Variants in KIF2A observed in about 807,000 individuals in gnomAD.
KIF2A encodes kinesin family member 2A.
A neutral mutation model predicts 100.2 loss-of-function variants in KIF2A; 22 were observed. The observed-to-expected ratio is 0.22, with a 90% CI of 0.16 to 0.31. The LOEUF (loss-of-function observed/expected upper bound fraction) is 0.31. Among genes scored for constraint, KIF2A ranks in the 10% least tolerant of loss-of-function variants. KIF2A has a pLI of 1.00. For synonymous variants in KIF2A, 268 were observed against 285.9 expected, an observed-to-expected ratio of 0.94 and a Z score of 0.63; for missense variants, 495 against 898.7, an observed-to-expected ratio of 0.55 and a Z score of 5.74.
Position 62,361,302 on chromosome 5 carries a change from T to C in KIF2A, c.933T>C (p.Ala311=). Residue 311 remains alanine, a synonymous_variant, in exon 10 of 21, where the codon GCT becomes GCC. Coordinates refer to ENST00000407818, the MANE Select transcript of KIF2A (RefSeq NM_001098511.3). ...IFERGMATCF[A]YGQTGSGKTH... ...AAAGGGGAATGGCTACATGCTTTGCTTATGGGCAGACTGGAAGTGGAAAAA... is the reference window on the plus strand; with the variant it reads ...AAAGGGGAATGGCTACATGCTTTGCCTATGGGCAGACTGGAAGTGGAAAAA... 6.2e-7 allele frequency: 1 copy of C among 1,608,854 alleles called. No individual in the cohort carries two copies.
intron 1 of KIF2A, among the ~76,000 whole-genome samples, chr5:62,339,333 G>T (rs2111878029): frequency 6.6e-6 from 1 of 151,622 alleles, no homozygotes; most frequent in African/African-American, 2.4e-5. Context: ...CCATTCATGA[G>T]AAATCCACCC....
At chr5:62,322,369 T>A (rs1746143042) in intron 1 of KIF2A, among the ~76,000 whole-genome samples, 2 of 152,222 alleles carry the variant, frequency 1.3e-5, no homozygotes, top group Admixed American at 1.3e-4. Flanking sequence ...GCACAAAAAT[T>A]TTTAATTTTG....
intron 1 of KIF2A, among the ~76,000 whole-genome samples, chr5:62,324,266 G>C (rs1218236812): frequency 1.3e-5 from 2 of 152,114 alleles, no homozygotes; most frequent in East Asian, 3.8e-4. Context: ...AATCAGTGTT[G>C]TTAAAATGGC....
chr5:62,365,575 A>ATTTTCT (rs554808566), intron 15 of KIF2A, among the ~76,000 whole-genome samples: 4 of 150,822 alleles, frequency 2.7e-5, no homozygotes, highest in African/African-American at 7.3e-5. Context: ...GTCTTTCTTG[A>ATTTTCT]TTTTCTTTTT....
intron 9 of KIF2A, 87 bp downstream of exon 9, chr5:62,358,386 T>C (rs551703675): frequency 1.2e-6 from 1 of 826,544 alleles, no homozygotes; most frequent in South Asian, 2.1e-5. Context: ...GTGGGATATT[T>C]CTTAAGAGGT....
At chr5:62,365,674 T>C (rs1041627586) in intron 15 of KIF2A, among the ~76,000 whole-genome samples, 6 of 152,164 alleles carry the variant, frequency 3.9e-5, no homozygotes, top group Non-Finnish European at 7.3e-5. Context: ...TGGGGTTATA[T>C]CATGTGCATT....
intron 17 of KIF2A, among the ~76,000 whole-genome samples, chr5:62,373,344 TTGA>T (rs1245024144): frequency 2.0e-5 from 3 of 151,990 alleles, no homozygotes; most frequent in Non-Finnish European, 2.9e-5. Flanking sequence ...AACATCAACT[TTGA>T]TGAGCCAGTA....
At chr5:62,312,999 G>A (rs1490491903) in intron 1 of KIF2A, among the ~76,000 whole-genome samples, 2 of 151,846 alleles carry the variant, frequency 1.3e-5, no homozygotes, top group African/African-American at 4.8e-5. Context: ...AAAATAATGT[G>A]GTCTTATGTT....
intron 4 of KIF2A, 37 bp from the exon 5 acceptor site, chr5:62,352,551 C>G: frequency 6.7e-7 from 1 of 1,482,992 alleles, no homozygotes; most frequent in South Asian, 1.4e-5. Context: ...TACTAATTTT[C>G]TATCCTGAAT....
chr5:62,339,471 G>C (rs1747160472), intron 1 of KIF2A, among the ~76,000 whole-genome samples: 2 of 125,358 alleles, frequency 1.6e-5, no homozygotes, highest in Admixed American at 1.6e-4. Context: ...ACTATCGATA[G>C]GAAGCATCAT....
In KIF2A at chr5:62,357,632, C is replaced by T. The variant is rs779650451; in HGVS notation, c.655-59C>T. 244 of 816,604 alleles carry T rather than the reference C, an allele frequency of 3.0e-4. 4 individuals are homozygous for T. Among genetic ancestry groups the T allele is most frequent in the Non-Finnish European group, 4.1e-4 (213 of 517,060 alleles). The allele number at this position is 816,604 out of a possible 1,614,324, so 50.6% of individuals were successfully genotyped here. On this transcript the variant is annotated intron_variant, in intron 7 of 20. Coordinates refer to ENST00000407818, the MANE Select transcript of KIF2A (RefSeq NM_001098511.3). ...CCTGGAGGAAATATTACATAATTTA[C>T]GTTTTAGTGTTTTACATGACACTAA...
chr5:62,338,102 C>T (rs1255108084), intron 1 of KIF2A, among the ~76,000 whole-genome samples: 1 of 152,056 alleles, frequency 6.6e-6, no homozygotes, highest in East Asian at 1.9e-4. Context: ...AGCTATAATA[C>T]TAAATGTAAT....
intron 1 of KIF2A, among the ~76,000 whole-genome samples, chr5:62,335,238 G>A (rs1055931860): frequency 7.2e-5 from 11 of 152,198 alleles, no homozygotes; most frequent in African/African-American, 2.7e-4. Context: ...GGTTGGAGTT[G>A]GGGCTAGGGC....
chr5:62,363,775 A>G lies in KIF2A; in HGVS notation c.1343A>G (p.Lys448Arg). 1 of 1,613,944 alleles carries G rather than the reference A, an allele frequency of 6.2e-7. No individual in the cohort carries two copies. Residue 448 changes from lysine (K) to arginine (R), a missense_variant, in exon 14 of 21, where the codon AAA becomes AGA. This residue lies in a region of KIF2A where 38 missense variants were observed against 99.5 expected (regional missense o/e 0.38). Transcript: ENST00000407818. ...CAGATTATTCTTAGAAGGAAAGGAAAACTACATGGCAAATTTTCTCTCATT... is the reference window on the plus strand; with the variant it reads ...CAGATTATTCTTAGAAGGAAAGGAAGACTACATGGCAAATTTTCTCTCATT... ...VFQIILRRKG[K>R]LHGKFSLIDL...
chr5:62,333,784 C>G (rs769007152), intron 1 of KIF2A, among the ~76,000 whole-genome samples: 2 of 152,104 alleles, frequency 1.3e-5, no homozygotes, highest in African/African-American at 4.8e-5. Context: ...TTTTGCCCAG[C>G]ATCTGCATTT....
At chr5:62,342,437 C>T (rs1747343462) in intron 1 of KIF2A, among the ~76,000 whole-genome samples, 1 of 152,180 alleles carries the variant, frequency 6.6e-6, no homozygotes, top group South Asian at 2.1e-4. Context: ...TCAGGGAGTG[C>T]AGTTAGCTGA....
chr5:62,316,457 C>T (rs1199617805), intron 1 of KIF2A, among the ~76,000 whole-genome samples: 2 of 152,098 alleles, frequency 1.3e-5, no homozygotes, highest in Non-Finnish European at 2.9e-5. Flanking sequence ...TTCTAAGTGC[C>T]ATTTCAGTAT....
At chr5:62,370,746 G>A (rs1741286484) in intron 16 of KIF2A, among the ~76,000 whole-genome samples, 1 of 152,194 alleles carries the variant, frequency 6.6e-6, no homozygotes, top group South Asian at 2.1e-4. Context: ...TTGGGTAATG[G>A]AAGAGGTTAG....
At position 62,313,195 on chromosome 5, in the gene KIF2A, G is replaced by T. The variant is rs1359593276; in HGVS notation, c.64+6659G>T. Among the ~76,000 whole-genome samples, 5 of 152,140 alleles carry T rather than the reference G, an allele frequency of 3.3e-5. No individual in the cohort carries two copies. The East Asian group carries it at 5.8e-4, about 18-fold the overall frequency. On this transcript the variant is annotated intron_variant, in intron 1 of 20. Coordinates refer to ENST00000407818, the MANE Select transcript of KIF2A (RefSeq NM_001098511.3). Reference sequence around the variant, plus strand: ...AGTACTGATAGAAATATGCCATTTTGTGTGTACATTATTACTACCTTCCTT... The same window carrying T: ...AGTACTGATAGAAATATGCCATTTTTTGTGTACATTATTACTACCTTCCTT...
Sources: gnomAD v4.1 joint callset for allele counts (sites outside exome capture counted in the v4.1 genomes callset) on GRCh38, gnomAD v4.1.1 for gene constraint, gnomAD v4.1.1 regional missense constraint, MANE v1.5 for transcripts, NCBI Gene and HGNC (gene_info 2026-07-23, HGNC 2026-07-21) for gene names.